Variants in MAP7 observed in about 807,000 individuals in gnomAD.
MAP7 encodes ensconsin.
In MAP7, 52 loss-of-function variants were observed where a neutral mutation model predicts 94.8. That is an observed-to-expected ratio of 0.55 (90% CI 0.44 to 0.69). The LOEUF (loss-of-function observed/expected upper bound fraction) is 0.69. Ranked by LOEUF, MAP7 falls within the 30% of genes least tolerant of loss-of-function variation. MAP7 has a pLI of 0.00. For missense variants in MAP7, 940 were observed against 964.6 expected, an observed-to-expected ratio of 0.97 and a Z score of 0.34; for synonymous variants, 350 against 357.0, an observed-to-expected ratio of 0.98 and a Z score of 0.22.
chr6:136,460,390 T>C (rs1804797063), intron 1 of MAP7, among the ~76,000 whole-genome samples: 1 of 152,192 alleles, frequency 6.6e-6, no homozygotes, highest in South Asian at 2.1e-4. Context: ...CCAAAATTTC[T>C]GTAATGCTAT....
At chr6:136,456,492 G>A (rs1802894070) in intron 1 of MAP7, among the ~76,000 whole-genome samples, 1 of 151,694 alleles carries the variant, frequency 6.6e-6, no homozygotes, top group Non-Finnish European at 1.5e-5. Flanking sequence ...GGAAACATAG[G>A]GAGACCCTGT....
In MAP7 at chr6:136,484,957, G is replaced by A. The variant is rs565823630; in HGVS notation, c.68-63158C>T. 2.6e-5 allele frequency among the ~76,000 whole-genome samples: 4 copies of A among 152,220 alleles called. No individual in the cohort carries two copies. The South Asian group carries it at 8.3e-4, about 32-fold the overall frequency. Reference sequence around the variant, plus strand: ...TGATCTCCAGCCTCAGCCTCCTAAAGTGCTGGGATTACAGGCATGAGCCAC... The same window carrying A: ...TGATCTCCAGCCTCAGCCTCCTAAAATGCTGGGATTACAGGCATGAGCCAC... On this transcript the variant is annotated intron_variant, in intron 1 of 17. Transcript: ENST00000354570.
Position 136,442,594 on chromosome 6 carries a change from G to A in MAP7, c.68-20795C>T, listed in dbSNP as rs546546305. Among the ~76,000 whole-genome samples, 24 of 152,224 alleles carry A rather than the reference G, an allele frequency of 1.6e-4. No individual in the cohort carries two copies. In the East Asian group the frequency reaches 3.7e-3, roughly 23 times the overall value. On this transcript the variant is annotated intron_variant, in intron 1 of 17. Transcript: ENST00000354570. Reference sequence around the variant, plus strand: ...ATCCTGAGGCATTAGGCTCAGCTGTGTATTTTAAAATGGCTCCCTAAAGGA... The same window carrying A: ...ATCCTGAGGCATTAGGCTCAGCTGTATATTTTAAAATGGCTCCCTAAAGGA...
chr6:136,369,677 C>A lies in MAP7; in HGVS notation c.876+2824G>T, dbSNP rs183329331. On this transcript the variant is annotated intron_variant, in intron 8 of 17. Transcript: ENST00000354570. The stretch of plus-strand genomic sequence containing the variant: ...CACCACTCAATGAAACAAGGACATT[C>A]TCTTCAACAAATGATGCAGGGAAAA... Among the ~76,000 whole-genome samples the A allele has an allele frequency of 6.6e-5, 10 of 152,232 alleles. 2 individuals carry two copies. In the South Asian group the frequency reaches 2.1e-3, roughly 32 times the overall value.
In MAP7 at chr6:136,344,209, G is replaced by C. The variant is rs1366560077; in HGVS notation, c.*19C>G. On this transcript the variant is annotated 3_prime_UTR_variant, in exon 18 of 18. Coordinates refer to ENST00000354570, the MANE Select transcript of MAP7 (RefSeq NM_003980.6). ...GAAATTCTCATTAAATTTCAGCTTT[G>C]GTTCTTCAGAAGAAACACTCATATA... is the stretch of plus-strand genomic sequence containing the variant. 7.6e-7 allele frequency: 1 copy of C among 1,316,174 alleles called. No homozygotes were observed. Among genetic ancestry groups the C allele is most frequent in the African/African-American group, 1.5e-5 (1 of 65,492 alleles). The allele number at this position is 1,316,174 out of a possible 1,614,324, so 81.5% of individuals were successfully genotyped here.
At chr6:136,432,045 G>A (rs1011862665) in intron 1 of MAP7, among the ~76,000 whole-genome samples, 2 of 152,208 alleles carry the variant, frequency 1.3e-5, no homozygotes, top group African/African-American at 4.8e-5. Context: ...GCTATCAGGA[G>A]GGAAAGGCTG....
rs141795836 is a variant in MAP7, at chr6:136,549,679, C to G, written c.67+663G>C. On this transcript the variant is annotated intron_variant, in intron 1 of 17. Transcript: ENST00000354570. Reference sequence around the variant, plus strand: ...CTGCACAGACTAAAAACAAAAAACTCTGAGAACTCCGACAAGTCAACGAAA... The same window carrying G: ...CTGCACAGACTAAAAACAAAAAACTGTGAGAACTCCGACAAGTCAACGAAA... Among the ~76,000 whole-genome samples the G allele has an allele frequency of 1.0e-3, 155 of 152,316 alleles. 4 individuals carry two copies. In the East Asian group the frequency reaches 0.028, roughly 28 times the overall value.
In MAP7 at chr6:136,399,532, C is replaced by T. The variant is rs772801908; in HGVS notation, c.245-10015G>A. Among the ~76,000 whole-genome samples, 6 of 151,590 alleles carry T rather than the reference C, an allele frequency of 4.0e-5. No homozygotes were observed. In the South Asian group the frequency reaches 6.3e-4, roughly 16 times the overall value. On this transcript the variant is annotated intron_variant, in intron 3 of 17. Transcript: ENST00000354570. ...CTCGTTTTTTTTTTTATTATTATTC[C>T]TTGTAGAGACAGAGTCTTGCTGTGT...
At chr6:136,391,035 C>T (rs1780550051) in intron 3 of MAP7, among the ~76,000 whole-genome samples, 1 of 152,156 alleles carries the variant, frequency 6.6e-6, no homozygotes, top group South Asian at 2.1e-4. Context: ...TTTCAAAGCT[C>T]ATTGTTCTAA....
intron 1 of MAP7, among the ~76,000 whole-genome samples, chr6:136,487,993 G>T (rs936680627): frequency 3.3e-5 from 5 of 152,184 alleles, no homozygotes; most frequent in African/African-American, 9.7e-5. Flanking sequence ...GTATTATTGC[G>T]AAAGGGCGGC....
At chr6:136,458,489 A>C (rs564239170) in intron 1 of MAP7, among the ~76,000 whole-genome samples, 12 of 152,234 alleles carry the variant, frequency 7.9e-5, no homozygotes, top group African/African-American at 2.9e-4. Flanking sequence ...AAGGAACAAA[A>C]TTGTAGGCAT....
At chr6:136,427,606 T>A (rs912898027) in intron 1 of MAP7, among the ~76,000 whole-genome samples, 2 of 152,206 alleles carry the variant, frequency 1.3e-5, no homozygotes, top group African/African-American at 4.8e-5. Context: ...ATTTATTCAC[T>A]CTATTGCTCA....
chr6:136,543,564 C>T (rs1016812610), intron 1 of MAP7, among the ~76,000 whole-genome samples: 7 of 152,042 alleles, frequency 4.6e-5, no homozygotes, highest in East Asian at 1.9e-4. Context: ...GCAGGAGAAT[C>T]GCTTGAACCC....
chr6:136,420,227 C>T, intron 2 of MAP7: 1 of 1,062,378 alleles, frequency 9.4e-7, no homozygotes, highest in Non-Finnish European at 1.5e-6. Context: ...GAGCCAGGAA[C>T]ATAGAAATCT....
intron 8 of MAP7, among the ~76,000 whole-genome samples, chr6:136,371,182 T>G (rs1283605977): frequency 1.3e-5 from 2 of 152,168 alleles, no homozygotes; most frequent in Non-Finnish European, 2.9e-5. Flanking sequence ...ATGACAAATC[T>G]CTCATTTAAC....
intron 3 of MAP7, among the ~76,000 whole-genome samples, chr6:136,408,708 T>C (rs1786400674): frequency 6.6e-6 from 1 of 152,178 alleles, no homozygotes. Context: ...AACTATTTTT[T>C]TTTTGTTTTC....
chr6:136,510,752 T>G (rs1431964991), intron 1 of MAP7, among the ~76,000 whole-genome samples: 1 of 152,184 alleles, frequency 6.6e-6, no homozygotes, highest in Non-Finnish European at 1.5e-5. Flanking sequence ...TATTAATCTC[T>G]GTGTCTAATT....
chr6:136,461,472 C>A (rs917504361), intron 1 of MAP7, among the ~76,000 whole-genome samples: 2 of 152,076 alleles, frequency 1.3e-5, no homozygotes, highest in Non-Finnish European at 2.9e-5. Flanking sequence ...AAACATGAAA[C>A]CTTTGCATTG....
chr6:136,513,911 T>C (rs889431437), intron 1 of MAP7, among the ~76,000 whole-genome samples: 33 of 152,278 alleles, frequency 2.2e-4, no homozygotes, highest in African/African-American at 7.7e-4. Flanking sequence ...CAAGTGGTGG[T>C]GGTGGTTTTG....
Sources: gnomAD v4.1 joint callset for allele counts (sites outside exome capture counted in the v4.1 genomes callset) on GRCh38, gnomAD v4.1.1 for gene constraint, MANE v1.5 for transcripts, NCBI Gene and HGNC (gene_info 2026-07-23, HGNC 2026-07-21) for gene names.